Variants in CDH8 observed in about 807,000 individuals in gnomAD.
CDH8 encodes the protein cadherin 8, also known as cadherin-8.
A neutral mutation model predicts 68.1 loss-of-function variants in CDH8; 17 were observed. That is an observed-to-expected ratio of 0.25 (90% CI 0.17 to 0.37). The LOEUF (loss-of-function observed/expected upper bound fraction) is 0.37, where lower values mean the gene tolerates loss of function less well. CDH8 is among the 10% of genes least tolerant of loss of function. CDH8 has a pLI of 1.00. For synonymous variants in CDH8, 372 were observed against 365.1 expected, an observed-to-expected ratio of 1.02 and a Z score of -0.21; for missense variants, 763 against 999.3, an observed-to-expected ratio of 0.76 and a Z score of 3.19.
At chr16:61,904,979 A>AGGTT (rs1964038981) in intron 2 of CDH8, among the ~76,000 whole-genome samples, 2 of 152,258 alleles carry the variant, frequency 1.3e-5, no homozygotes, top group Admixed American at 6.5e-5. Context: ...CATGGGATCT[A>AGGTT]GGTTGCATGC....
At chr16:61,695,488 C>A (rs1349058247) in intron 10 of CDH8, among the ~76,000 whole-genome samples, 1 of 152,140 alleles carries the variant, frequency 6.6e-6, no homozygotes, top group Non-Finnish European at 1.5e-5. Flanking sequence ...ATCCCTTGAT[C>A]TGAGGCCTTG....
chr16:61,693,522 A>G (rs1964272702), intron 10 of CDH8: 1 of 152,154 alleles, frequency 6.6e-6, no homozygotes, highest in South Asian at 2.1e-4. Context: ...CTAAGGGTAA[A>G]CCATTTAAGA....
intron 2 of CDH8, among the ~76,000 whole-genome samples, chr16:61,907,234 T>G (rs1208942355): frequency 6.6e-6 from 1 of 152,188 alleles, no homozygotes; most frequent in East Asian, 1.9e-4. Context: ...TGGGCCACTC[T>G]GCCTACCTCT....
chr16:61,797,654 G>T (rs1247440163), intron 7 of CDH8, among the ~76,000 whole-genome samples: 1 of 152,034 alleles, frequency 6.6e-6, no homozygotes. Context: ...TTTAAAACAT[G>T]GCATCACAGT....
chr16:61,960,348 T>TGTGTGTGTGTATACACACATATATAC lies in CDH8; in HGVS notation c.253-58876_253-58875insGTATATATGTGTGTATACACACACAC, dbSNP rs1965125996. ...GTGTGTGTATACACACATATATACA[T>TGTGTGTGTGTATACACACATATATAC]GTGTGTGTGTATACACATACATATA... On this transcript the variant is annotated intron_variant, in intron 2 of 11. Coordinates refer to ENST00000577390, the MANE Select transcript of CDH8 (RefSeq NM_001796.5). 6.9e-5 allele frequency among the ~76,000 whole-genome samples: 2 copies of TGTGTGTGTGTATACACACATATATAC among 28,806 alleles called. 1 individual carries two copies. The highest frequency in any genetic ancestry group is 4.9e-4 in the African/African-American group (2 of 4,074). 18.9% of individuals were successfully genotyped at this position (28,806 alleles called of 152,430 possible).
intron 8 of CDH8, among the ~76,000 whole-genome samples, chr16:61,776,561 G>A (rs1960904200): frequency 6.6e-6 from 1 of 152,058 alleles, no homozygotes; most frequent in Non-Finnish European, 1.5e-5. Flanking sequence ...GGAAAATTAT[G>A]TCCCTCAAAT....
intron 2 of CDH8, among the ~76,000 whole-genome samples, chr16:61,999,520 T>TC (rs2150595399): frequency 6.6e-6 from 1 of 152,318 alleles, no homozygotes; most frequent in African/African-American, 2.4e-5. Context: ...AGAACAGTCT[T>TC]CGCAATGCTG....
At chr16:61,778,798 AT>A (rs1459974414) in intron 8 of CDH8, among the ~76,000 whole-genome samples, 1 of 152,160 alleles carries the variant, frequency 6.6e-6, no homozygotes, top group African/African-American at 2.4e-5. Flanking sequence ...CTCCAACTCC[AT>A]CCAACTCCAG....
chr16:61,754,199 G>A (rs1479115162), intron 8 of CDH8, among the ~76,000 whole-genome samples: 1 of 151,986 alleles, frequency 6.6e-6, no homozygotes, highest in African/African-American at 2.4e-5. Context: ...GTAGATACAA[G>A]ACATGTTACA....
chr16:61,748,692 G>C (rs1257721921), intron 8 of CDH8, among the ~76,000 whole-genome samples: 5 of 151,932 alleles, frequency 3.3e-5, no homozygotes, highest in Admixed American at 3.3e-4. Flanking sequence ...GCAATACCAG[G>C]TTATAAGAAT....
intron 2 of CDH8, among the ~76,000 whole-genome samples, chr16:61,935,793 A>C (rs1169119422): frequency 6.6e-6 from 1 of 152,184 alleles, no homozygotes; most frequent in Non-Finnish European, 1.5e-5. Flanking sequence ...TAAACAATGC[A>C]TGCAGTATAA....
intron 10 of CDH8, among the ~76,000 whole-genome samples, chr16:61,665,810 C>CCT (rs1567410697): frequency 1.4e-5 from 1 of 71,368 alleles, no homozygotes. Context: ...CTTCCTTTCC[C>CCT]TCCTTCCTTC....
chr16:61,754,011 G>T (rs1261677993), intron 8 of CDH8, among the ~76,000 whole-genome samples: 3 of 152,112 alleles, frequency 2.0e-5, no homozygotes, highest in Non-Finnish European at 4.4e-5. Context: ...CGTAAGAAAT[G>T]AATGCAGGAC....
Position 61,891,392 on chromosome 16 carries a change from A to G in CDH8, c.547+9787T>C, listed in dbSNP as rs1315691045. Among the ~76,000 whole-genome samples the G allele has an allele frequency of 4.6e-5, 7 of 152,270 alleles. No individual in the cohort carries two copies. The East Asian group carries it at 1.4e-3, about 29-fold the overall frequency. ...AAGCTTGTTCTCAGACATAATGTAG[A>G]AATAACTCAATGCCTCTTGGAAGAC... is the stretch of plus-strand genomic sequence containing the variant. On this transcript the variant is annotated intron_variant, in intron 3 of 11. Transcript: ENST00000577390.
At chr16:61,892,792 A>G (rs1963800726) in intron 3 of CDH8, among the ~76,000 whole-genome samples, 2 of 152,128 alleles carry the variant, frequency 1.3e-5, no homozygotes, top group Admixed American at 6.6e-5. Flanking sequence ...GCGATGGATG[A>G]GGTAGCAAAT....
intron 3 of CDH8, among the ~76,000 whole-genome samples, chr16:61,859,687 G>A (rs1267409744): frequency 3.9e-5 from 6 of 152,158 alleles, no homozygotes; most frequent in Non-Finnish European, 8.8e-5. Context: ...TCCCTGTTTT[G>A]ATCTTTGTGG....
At chr16:61,846,833 T>C (rs148926658) in intron 4 of CDH8, among the ~76,000 whole-genome samples, 46 of 152,140 alleles carry the variant, frequency 3.0e-4, no homozygotes, top group Non-Finnish European at 5.6e-4. Flanking sequence ...CATTCCACTG[T>C]AATAAATGAG....
In CDH8 at chr16:61,883,728, C is replaced by T. The variant is rs201155749; in HGVS notation, c.547+17451G>A. Among the ~76,000 whole-genome samples, 5 of 150,958 alleles carry T rather than the reference C, an allele frequency of 3.3e-5. No homozygotes were observed. In the East Asian group the frequency reaches 9.8e-4, roughly 29 times the overall value. ...TAAGAGGTGGATTCAATGCTCTGACCAAGGAAAGTAGCAGGGATTTACAAC... is the reference window on the plus strand; with the variant it reads ...TAAGAGGTGGATTCAATGCTCTGACTAAGGAAAGTAGCAGGGATTTACAAC... On this transcript the variant is annotated intron_variant, in intron 3 of 11. Coordinates refer to ENST00000577390, the MANE Select transcript of CDH8 (RefSeq NM_001796.5).
At chr16:61,738,468 C>T (rs572800989) in intron 8 of CDH8, among the ~76,000 whole-genome samples, 6 of 152,236 alleles carry the variant, frequency 3.9e-5, no homozygotes, top group Admixed American at 6.5e-5. Flanking sequence ...AGGGTAGGCA[C>T]ATTTACGGTT....
Sources: allele counts gnomAD v4.1 joint callset (sites outside exome capture counted in the v4.1 genomes callset), GRCh38; gene constraint gnomAD v4.1.1; transcripts MANE v1.5; gene names NCBI Gene and HGNC (gene_info 2026-07-23, HGNC 2026-07-21).